Variants in TRHDE observed in about 807,000 individuals in gnomAD.
The protein encoded by TRHDE is thyrotropin-releasing hormone-degrading ectoenzyme.
Under a neutral mutation model 125.7 loss-of-function variants are expected in TRHDE, and 72 were observed. The ratio of observed to expected loss-of-function variants is 0.57; its 90% CI spans 0.47 to 0.70. The LOEUF is 0.70. Among genes scored for constraint, TRHDE ranks in the 30% least tolerant of loss-of-function variants. The probability of loss-of-function intolerance (pLI) is 0.00; values close to 1 mark genes in which losing one functional copy is unlikely to be tolerated. For synonymous variants in TRHDE, 509 were observed against 509.1 expected, an observed-to-expected ratio of 1.00 and a Z score of 0.00; for missense variants, 1,110 against 1,327.1, an observed-to-expected ratio of 0.84 and a Z score of 2.54.
chr12:72,521,831 CTA>C (rs1167551983), intron 6 of TRHDE, among the ~76,000 whole-genome samples: 1 of 152,178 alleles, frequency 6.6e-6, no homozygotes, highest in African/African-American at 2.4e-5. Context: ...GCCGTTGAAA[CTA>C]TTTCAGTAGT....
intron 2 of TRHDE, among the ~76,000 whole-genome samples, chr12:72,169,233 T>C (rs1221576366): frequency 3.3e-5 from 5 of 151,854 alleles, no homozygotes; most frequent in Middle Eastern, 3.2e-3. Context: ...CAGAATAATA[T>C]GGGAAGCTGC....
At chr12:72,215,362 C>A (rs980556751) in intron 2 of TRHDE, among the ~76,000 whole-genome samples, 2 of 152,106 alleles carry the variant, frequency 1.3e-5, no homozygotes, top group Admixed American at 1.3e-4. Flanking sequence ...ATATTCACTT[C>A]TTTTGTGATT....
intron 2 of TRHDE, among the ~76,000 whole-genome samples, chr12:72,352,022 T>C (rs1870603119): frequency 6.6e-6 from 1 of 151,942 alleles, no homozygotes; most frequent in South Asian, 2.1e-4. Context: ...TATTTTAGTA[T>C]AGACTCTTAT....
intron 2 of TRHDE, among the ~76,000 whole-genome samples, chr12:72,261,632 A>C (rs1878952653): frequency 6.6e-6 from 1 of 152,134 alleles, no homozygotes; most frequent in Non-Finnish European, 1.5e-5. Flanking sequence ...TGCTGCTGAC[A>C]TGCTTTCAGT....
Position 72,669,338 on chromosome 12 carries a change from CTT to C in TRHDE, c.*6144_*6145del, listed in dbSNP as rs1875194350. On this transcript the variant is annotated 3_prime_UTR_variant, in exon 19 of 19. Coordinates refer to ENST00000261180, the MANE Select transcript of TRHDE (RefSeq NM_013381.3). ...ACTGCAATTGCTTAATTTACTTAAA[CTT>C]AACATTTTCAATGGGTTTGCTGTGT... The C allele has an allele frequency of 6.6e-6, 1 of 151,778 alleles. No homozygotes were observed. The highest frequency in any genetic ancestry group is 2.1e-4 in the South Asian group (1 of 4,826). The allele number at this position is 151,778 out of a possible 1,614,324, so 9.4% of individuals were successfully genotyped here. A position where few individuals can be genotyped will look rare whatever the true frequency, so the allele number is the denominator to read the frequency against.
intron 2 of TRHDE, among the ~76,000 whole-genome samples, chr12:72,130,725 G>A (rs141470935): frequency 6.6e-6 from 1 of 152,126 alleles, no homozygotes; most frequent in Non-Finnish European, 1.5e-5. Context: ...AAATGCGATA[G>A]AAAAATGAGC....
intron 2 of TRHDE, among the ~76,000 whole-genome samples, chr12:72,322,724 A>G (rs1217999287): frequency 6.6e-6 from 1 of 152,164 alleles, no homozygotes; most frequent in Non-Finnish European, 1.5e-5. Flanking sequence ...GATTTTCAAT[A>G]TGTGTACAGA....
rs1444566180 is a variant in TRHDE, at chr12:72,575,505, C to T, written c.2284C>T (p.Arg762Ter). The T allele has an allele frequency of 6.2e-7, 1 of 1,613,620 alleles. No individual in the cohort carries two copies. Among genetic ancestry groups the T allele is most frequent in the Non-Finnish European group, 8.5e-7 (1 of 1,179,726 alleles). Residue 762 changes from arginine to a stop codon, truncating the protein, a stop_gained, in exon 12 of 19, where the codon CGA (arginine) becomes TGA (stop). Coordinates refer to ENST00000261180, the MANE Select transcript of TRHDE (RefSeq NM_013381.3). LOFTEE classifies it high-confidence loss of function. ...GCCTCAGGTTCTTTCTGTCAGTAACCGAGCGGGCTTGATCGATGATGCCTT... is the reference window on the plus strand; with the variant it reads ...GCCTCAGGTTCTTTCTGTCAGTAACTGAGCGGGCTTGATCGATGATGCCTT... ...RNHEVLSVSN[R>*]AGLIDDAFSL...
chr12:72,138,004 TA>T (rs1368297722), intron 2 of TRHDE, among the ~76,000 whole-genome samples: 2 of 152,216 alleles, frequency 1.3e-5, no homozygotes, highest in Admixed American at 6.5e-5. Flanking sequence ...GAAGAGCAAT[TA>T]AAATGCCAAT....
Position 72,409,444 on chromosome 12 carries a change from T to A in TRHDE, c.1315+31323T>A, listed in dbSNP as rs569891530. Among the ~76,000 whole-genome samples the A allele has an allele frequency of 9.2e-5, 14 of 152,324 alleles. No homozygotes were observed. The South Asian group carries it at 2.9e-3, about 32-fold the overall frequency. On this transcript the variant is annotated intron_variant, in intron 3 of 18. Transcript: ENST00000261180. ...CTGGCTTCTTCTAATAGGGATCTTATGTCCTGATGACATTAGATTTGACCA... is the reference window on the plus strand; with the variant it reads ...CTGGCTTCTTCTAATAGGGATCTTAAGTCCTGATGACATTAGATTTGACCA...
chr12:72,167,021 G>A (rs1428634803), intron 2 of TRHDE, among the ~76,000 whole-genome samples: 1 of 151,870 alleles, frequency 6.6e-6, no homozygotes, highest in African/African-American at 2.4e-5. Flanking sequence ...AAATGTTTGA[G>A]GAAGAAATAG....
At chr12:72,171,025 G>A (rs1876861267) in intron 2 of TRHDE, among the ~76,000 whole-genome samples, 1 of 152,148 alleles carries the variant, frequency 6.6e-6, no homozygotes, top group Admixed American at 6.5e-5. Flanking sequence ...AAGCTAAGGA[G>A]ACCAATAAGT....
chr12:72,147,465 T>C (rs532382286), intron 2 of TRHDE: 2 of 152,312 alleles, frequency 1.3e-5, no homozygotes, highest in East Asian at 3.9e-4. Context: ...AATATGATAA[T>C]AGTAATAGGC....
At chr12:72,480,717 T>C (rs1462375367) in intron 5 of TRHDE, among the ~76,000 whole-genome samples, 1 of 152,086 alleles carries the variant, frequency 6.6e-6, no homozygotes, top group Non-Finnish European at 1.5e-5. Flanking sequence ...TATCTAGAAA[T>C]ACCGAGGGGA....
At chr12:72,336,586 A>C (rs536020690) in intron 2 of TRHDE, among the ~76,000 whole-genome samples, 1 of 152,214 alleles carries the variant, frequency 6.6e-6, no homozygotes, top group South Asian at 2.1e-4. Flanking sequence ...AATGCCTGAG[A>C]CTGGATAATT....
At chr12:72,479,769 G>A (rs977599463) in intron 5 of TRHDE, among the ~76,000 whole-genome samples, 3 of 149,258 alleles carry the variant, frequency 2.0e-5, no homozygotes, top group Admixed American at 6.7e-5. Context: ...CCATTAACTC[G>A]TCATTTAGCA....
Position 72,378,039 on chromosome 12 carries a change from G to A in TRHDE, c.1233G>A (p.Gly411=). ...ARPDAIRRGS[G]DYALHITKRL... Reference sequence around the variant, plus strand: ...CTGATGCTATCAGAAGAGGATCCGGGGACTATGCTCTCCATATAACAAAGA... The same window carrying A: ...CTGATGCTATCAGAAGAGGATCCGGAGACTATGCTCTCCATATAACAAAGA... Residue 411 remains glycine, a synonymous_variant, in exon 3 of 19, where the codon GGG becomes GGA. Coordinates refer to ENST00000261180, the MANE Select transcript of TRHDE (RefSeq NM_013381.3). 5 of 1,606,370 alleles carry A rather than the reference G, an allele frequency of 3.1e-6. No individual in the cohort carries two copies. Among genetic ancestry groups the A allele is most frequent in the Non-Finnish European group, 4.3e-6 (5 of 1,175,490 alleles).
intron 2 of TRHDE, among the ~76,000 whole-genome samples, chr12:72,373,105 T>C (rs963558066): frequency 3.9e-5 from 6 of 152,314 alleles, no homozygotes; most frequent in Admixed American, 1.3e-4. Context: ...AGATCCTTCA[T>C]GTCCCTTGTA....
At chr12:72,544,806 GGTA>G (rs1001426349) in intron 7 of TRHDE, among the ~76,000 whole-genome samples, 5 of 151,426 alleles carry the variant, frequency 3.3e-5, no homozygotes, top group South Asian at 2.1e-4. Flanking sequence ...AATATAGAAA[GGTA>G]GTAGGTTTCT....
Sources: allele counts gnomAD v4.1 joint callset (sites outside exome capture counted in the v4.1 genomes callset), GRCh38; gene constraint gnomAD v4.1.1; transcripts MANE v1.5; gene names NCBI Gene and HGNC (gene_info 2026-07-23, HGNC 2026-07-21).